Variants in XRN1 observed in about 807,000 individuals in gnomAD.
XRN1 encodes the protein strand-exchange protein 1 homolog.
In XRN1, 67 loss-of-function variants were observed where a neutral mutation model predicts 222.3. The ratio of observed to expected loss-of-function variants is 0.30; its 90% CI spans 0.25 to 0.37. The LOEUF (loss-of-function observed/expected upper bound fraction) is 0.37, where lower values mean the gene tolerates loss of function less well. Ranked by LOEUF, XRN1 falls within the 10% of genes least tolerant of loss-of-function variation. XRN1 has a pLI of 1.00. For synonymous variants in XRN1, 643 were observed against 652.4 expected (o/e 0.99, Z 0.22); for missense variants, 1,707 against 2,000.2 (o/e 0.85, Z 2.80).
At chr3:142,356,874 A>G in intron 31 of XRN1, 38 bp downstream of exon 31, 1 of 1,576,490 alleles carries the variant, frequency 6.3e-7, no homozygotes, top group Non-Finnish European at 8.7e-7. Context: ...GTGATTTGTA[A>G]AAGGGGTAGA....
intron 1 of XRN1, among the ~76,000 whole-genome samples, chr3:142,443,300 A>C (rs55712145): frequency 0.07 from 10,630 of 152,144 alleles, 1,251 homozygotes; most frequent in African/African-American, 0.24. Flanking sequence ...CCCCAACAGC[A>C]CTTAGGTTTT....
rs950421048 is a variant in XRN1, at chr3:142,308,379, A to C, written c.*3132T>G. The C allele has an allele frequency of 3.9e-5, 6 of 152,188 alleles. No individual in the cohort carries two copies. The highest frequency in any genetic ancestry group is 8.8e-5 in the Non-Finnish European group (6 of 68,032). 9.4% of individuals were successfully genotyped at this position (152,188 alleles called of 1,614,324 possible). On this transcript the variant is annotated 3_prime_UTR_variant, in exon 41 of 41. Transcript: ENST00000392981. Reference sequence around the variant, plus strand: ...AATGAAAGCAGGTACCTGATCATAGAAAGAAACAATAAAAAAACTTGCATC... The same window carrying C: ...AATGAAAGCAGGTACCTGATCATAGCAAGAAACAATAAAAAAACTTGCATC...
intron 34 of XRN1, 44 bp from the exon 35 acceptor site, chr3:142,333,133 C>T (rs763149345): frequency 6.4e-7 from 1 of 1,570,152 alleles, no homozygotes; most frequent in East Asian, 2.3e-5. Flanking sequence ...ACGTATAATA[C>T]AAGAACACAC....
chr3:142,318,227 A>G (rs1028804405), intron 39 of XRN1, among the ~76,000 whole-genome samples: 1 of 151,814 alleles, frequency 6.6e-6, no homozygotes, highest in Admixed American at 6.6e-5. Flanking sequence ...TAAGATTTAG[A>G]ATTACAAAAT....
chr3:142,411,822 ATT>A (rs1291888583), intron 15 of XRN1, among the ~76,000 whole-genome samples: 48 of 138,512 alleles, frequency 3.5e-4, no homozygotes, highest in East Asian at 1.8e-3. Flanking sequence ...CTTACTGAAA[ATT>A]TTTTTTTTTT....
intron 33 of XRN1, among the ~76,000 whole-genome samples, chr3:142,336,641 T>G (rs2065860901): frequency 5.7e-5 from 8 of 140,264 alleles, no homozygotes; most frequent in South Asian, 2.3e-4. Context: ...GGAAGGGGAG[T>G]AAAGGAAGGT....
chr3:142,355,446 C>T lies in XRN1; in HGVS notation c.3723G>A (p.Gln1241=), dbSNP rs768845564. 6.3e-6 allele frequency: 10 copies of T among 1,597,630 alleles called. No individual in the cohort carries two copies. The South Asian group carries it at 9.1e-5, about 15-fold the overall frequency. Residue 1241 remains glutamine (Q), a synonymous_variant, in exon 32 of 41, where the codon CAG becomes CAA. Coordinates refer to ENST00000392981, the MANE Select transcript of XRN1 (RefSeq NM_001282857.2). ...GAAAGTATTGCATCTTTCCAGATCCCTGTAAGGACTGCCAAATGTTGCAGA... is the reference window on the plus strand; with the variant it reads ...GAAAGTATTGCATCTTTCCAGATCCTTGTAAGGACTGCCAAATGTTGCAGA... ...DEFCNIWQSL[Q]GSGKMQYFQP...
chr3:142,380,184 A>G lies in XRN1; in HGVS notation c.2617-4T>C, dbSNP rs1455207598. On this transcript the variant is annotated splice_region_variant and splice_polypyrimidine_tract_variant and intron_variant, in intron 22 of 40. Coordinates refer to ENST00000392981, the MANE Select transcript of XRN1 (RefSeq NM_001282857.2). The stretch of plus-strand genomic sequence containing the variant: ...TCACATCACCTGAATCCTGAACCTT[A>G]GAAGAAAAAAAAATCACAGTATAGT... 1 of 1,610,986 alleles carries G rather than the reference A, an allele frequency of 6.2e-7. No homozygotes were observed. Among genetic ancestry groups the G allele is most frequent in the East Asian group, 2.2e-5 (1 of 44,790 alleles).
At position 142,425,271 on chromosome 3, in the gene XRN1, T is replaced by C; in HGVS notation, c.578A>G (p.Asp193Gly). 1 of 1,607,554 alleles carries C rather than the reference T, an allele frequency of 6.2e-7. No individual in the cohort carries two copies. The highest frequency in any genetic ancestry group is 8.5e-7 in the Non-Finnish European group (1 of 1,176,882). Reference protein sequence around the residue: ...EFIRSEKAKPDHDPNTRHCLY... With the variant: ...EFIRSEKAKPGHDPNTRHCLY... ...ACAGTGTCTGGTGTTTGGATCATGA[T>C]CTGGCTTTGCTTTCTCGGATCTGAT... The change falls in exon 5 of 41, where the codon GAT becomes GGT. Residue 193 changes from aspartate (D) to glycine (G), a missense_variant. Asp to Gly is a moderately conservative substitution (Grantham distance 94). Around this residue, in one of 2 missense-constraint regions of XRN1, gnomAD observed 1,234 missense variants for 1,518.2 expected, o/e 0.81. Coordinates refer to ENST00000392981, the MANE Select transcript of XRN1 (RefSeq NM_001282857.2).
At chr3:142,416,769 T>G (rs544077313) in intron 13 of XRN1, among the ~76,000 whole-genome samples, 2 of 152,016 alleles carry the variant, frequency 1.3e-5, no homozygotes, top group Non-Finnish European at 2.9e-5. Flanking sequence ...CAGTGACTCA[T>G]GCCTGTAATC....
intron 32 of XRN1, among the ~76,000 whole-genome samples, chr3:142,351,810 G>T (rs2066313556): frequency 6.6e-6 from 1 of 151,062 alleles, no homozygotes. Flanking sequence ...TTCTAGGACA[G>T]ATATCACAGC....
chr3:142,329,780 C>A (rs1217293485), intron 36 of XRN1, among the ~76,000 whole-genome samples, 165 bp from the exon 37 acceptor site: 2 of 152,210 alleles, frequency 1.3e-5, no homozygotes, highest in Non-Finnish European at 2.9e-5. Flanking sequence ...TTTCAGGTGG[C>A]TCTAGTTCCA....
intron 23 of XRN1, 74 bp from the exon 24 acceptor site, chr3:142,376,668 A>T: frequency 2.8e-6 from 3 of 1,089,850 alleles, no homozygotes; most frequent in Non-Finnish European, 2.7e-6. Context: ...TTACCTTTAA[A>T]ATCTGGAGAT....
rs564621666 is a variant in XRN1, at chr3:142,337,708, G to A, written c.3878-2199C>T. Among the ~76,000 whole-genome samples the A allele has an allele frequency of 3.3e-5, 5 of 152,206 alleles. No individual in the cohort carries two copies. In the South Asian group the frequency reaches 1.0e-3, roughly 32 times the overall value. ...ATATTTGCACCTATTTTAAAGAAAA[G>A]CCTGTAATATAATTTGGAGTATATA... On this transcript the variant is annotated intron_variant, in intron 33 of 40. Coordinates refer to ENST00000392981, the MANE Select transcript of XRN1 (RefSeq NM_001282857.2).
At chr3:142,350,303 G>C (rs900886555) in intron 32 of XRN1, among the ~76,000 whole-genome samples, 1 of 152,074 alleles carries the variant, frequency 6.6e-6, no homozygotes, top group Non-Finnish European at 1.5e-5. Flanking sequence ...TCTCTCTGAG[G>C]AGAGAGAGTA....
intron 12 of XRN1, 137 bp from the exon 13 acceptor site, chr3:142,417,366 T>C (rs2068827896): frequency 1.4e-6 from 1 of 691,040 alleles, no homozygotes; most frequent in Admixed American, 2.9e-5. Context: ...GGCTAAAAAT[T>C]ATAATCCTAA....
chr3:142,309,935 C>G lies in XRN1; in HGVS notation c.*1576G>C, dbSNP rs1436618198. 1 of 152,434 alleles carries G rather than the reference C, an allele frequency of 6.6e-6. No individual in the cohort carries two copies. Among genetic ancestry groups the G allele is most frequent in the Admixed American group, 6.5e-5 (1 of 15,268 alleles). 9.4% of individuals were successfully genotyped at this position (152,434 alleles called of 1,614,324 possible). A position where few individuals can be genotyped will look rare whatever the true frequency, so the allele number is the denominator to read the frequency against. ...TTACTTGAGCCTCATTACTCAAGAT[C>G]CCACTACAGATAAAGAAACAATGTT... is the stretch of plus-strand genomic sequence containing the variant. On this transcript the variant is annotated 3_prime_UTR_variant, in exon 41 of 41. Coordinates refer to ENST00000392981, the MANE Select transcript of XRN1 (RefSeq NM_001282857.2).
intron 21 of XRN1, 67 bp downstream of exon 21, chr3:142,384,456 C>T: frequency 7.9e-7 from 1 of 1,259,228 alleles, no homozygotes; most frequent in East Asian, 2.5e-5. Flanking sequence ...CATATCTTTT[C>T]ATTATACAGT....
intron 25 of XRN1, among the ~76,000 whole-genome samples, chr3:142,371,807 A>C (rs1427019830): frequency 6.6e-6 from 1 of 152,202 alleles, no homozygotes; most frequent in African/African-American, 2.4e-5. Flanking sequence ...TCTCCAATCC[A>C]TTAAAATGAC....
Sources: gnomAD v4.1 joint callset for allele counts (sites outside exome capture counted in the v4.1 genomes callset) on GRCh38, gnomAD v4.1.1 for gene constraint, gnomAD v4.1.1 regional missense constraint, MANE v1.5 for transcripts, NCBI Gene and HGNC (gene_info 2026-07-23, HGNC 2026-07-21) for gene names.